MLLT3: variants seen among roughly 807,000 people sequenced by gnomAD.
MLLT3 encodes protein AF-9.
A neutral mutation model predicts 53.2 loss-of-function variants in MLLT3; 4 were observed. That is an observed-to-expected ratio of 0.08 (90% confidence interval 0.04 to 0.17). The LOEUF is 0.17. MLLT3 is among the 10% of genes least tolerant of loss of function. The pLI is 1.00. For missense variants in MLLT3, 569 were observed against 684.0 expected, an observed-to-expected ratio of 0.83 and a Z score of 1.87; for synonymous variants, 283 against 230.6, an observed-to-expected ratio of 1.23 and a Z score of -2.06.
rs187283495 is a variant in MLLT3 at position 20,519,611 on chromosome 9, G to T, written c.194-62825C>A. On this transcript the variant is annotated intron_variant, in intron 2 of 10. Coordinates refer to ENST00000380338, the MANE Select transcript of MLLT3 (RefSeq NM_004529.4). ...ATATGAAAAAAAGCTCAACATCACT[G>T]ATCATTAGAGAAATACTAATCAAAA... 2.1e-4 allele frequency among the ~76,000 whole-genome samples: 32 copies of T among 152,178 alleles called. No individual in the cohort carries two copies. In the East Asian group the frequency reaches 6.2e-3, roughly 29 times the overall value.
intron 5 of MLLT3, among the ~76,000 whole-genome samples, chr9:20,405,038 AAT>A (rs1822546616): frequency 6.6e-6 from 1 of 152,152 alleles, no homozygotes; most frequent in Non-Finnish European, 1.5e-5. Context: ...TAGATAATAC[AAT>A]ATAATATCAA....
chr9:20,469,524 G>C (rs1393545009), intron 2 of MLLT3, among the ~76,000 whole-genome samples: 2 of 152,024 alleles, frequency 1.3e-5, no homozygotes, highest in Non-Finnish European at 2.9e-5. Context: ...TGAAAGATAG[G>C]TTGATGAATA....
intron 10 of MLLT3, among the ~76,000 whole-genome samples, chr9:20,349,102 C>T (rs1039727611): frequency 4.6e-5 from 7 of 152,150 alleles, no homozygotes; most frequent in African/African-American, 1.7e-4. Flanking sequence ...CTTTCCTCAG[C>T]GAGCTGCCCA....
At chr9:20,441,115 G>A (rs181710717) in intron 4 of MLLT3, among the ~76,000 whole-genome samples, 3 of 152,248 alleles carry the variant, frequency 2.0e-5, no homozygotes, top group East Asian at 3.9e-4. Context: ...AGTTTATGCA[G>A]TAATGGCGTT....
At chr9:20,468,823 T>C (rs1824298661) in intron 2 of MLLT3, among the ~76,000 whole-genome samples, 1 of 152,242 alleles carries the variant, frequency 6.6e-6, no homozygotes, top group African/African-American at 2.4e-5. Context: ...TTTTTCATTA[T>C]CTTTGTTTAA....
chr9:20,600,145 CA>C (rs11446057), intron 2 of MLLT3, among the ~76,000 whole-genome samples: 1 of 145,636 alleles, frequency 6.9e-6, no homozygotes, highest in Admixed American at 6.8e-5. Flanking sequence ...AAACAAAAAA[CA>C]AAAAAAAAAC....
At chr9:20,458,765 G>C (rs950655184) in intron 2 of MLLT3, among the ~76,000 whole-genome samples, 1 of 152,208 alleles carries the variant, frequency 6.6e-6, no homozygotes, top group African/African-American at 2.4e-5. Context: ...AAGCCATCCA[G>C]TGGATGGTAC....
intron 2 of MLLT3, among the ~76,000 whole-genome samples, chr9:20,560,909 G>A (rs373940500): frequency 6.8e-4 from 104 of 152,152 alleles, no homozygotes; most frequent in South Asian, 4.2e-3. Context: ...TCATTTCTAC[G>A]TATTGGTAAC....
chr9:20,460,684 A>G (rs1438112938), intron 2 of MLLT3, among the ~76,000 whole-genome samples: 4 of 152,192 alleles, frequency 2.6e-5, no homozygotes, highest in African/African-American at 9.7e-5. Context: ...TATGTACCCA[A>G]CAAATGTTTG....
chr9:20,419,800 G>C (rs1822961781), intron 4 of MLLT3, among the ~76,000 whole-genome samples: 1 of 152,154 alleles, frequency 6.6e-6, no homozygotes, highest in African/African-American at 2.4e-5. Flanking sequence ...TGAGAAAAGA[G>C]TCTAGTCAAA....
At chr9:20,561,308 C>G (rs1479350125) in intron 2 of MLLT3, among the ~76,000 whole-genome samples, 1 of 152,074 alleles carries the variant, frequency 6.6e-6, no homozygotes, top group African/African-American at 2.4e-5. Flanking sequence ...ACATTTTTTT[C>G]TCATTTTAAA....
intron 5 of MLLT3, among the ~76,000 whole-genome samples, chr9:20,403,647 A>C (rs981604424): frequency 6.6e-6 from 1 of 152,224 alleles, no homozygotes; most frequent in Non-Finnish European, 1.5e-5. Flanking sequence ...CAGATAACTT[A>C]GCACTTTAAA....
intron 2 of MLLT3, among the ~76,000 whole-genome samples, chr9:20,457,411 G>A (rs947465379): frequency 6.6e-6 from 1 of 151,598 alleles, no homozygotes; most frequent in Non-Finnish European, 1.5e-5. Context: ...CACCACACCA[G>A]GCTAATTTTG....
intron 5 of MLLT3, among the ~76,000 whole-genome samples, chr9:20,374,795 C>T (rs935851906): frequency 6.6e-6 from 1 of 152,176 alleles, no homozygotes; most frequent in Non-Finnish European, 1.5e-5. Flanking sequence ...TGCACTACCA[C>T]TAGTAAGGTG....
At chr9:20,494,022 A>G (rs1264877564) in intron 2 of MLLT3, among the ~76,000 whole-genome samples, 1 of 152,124 alleles carries the variant, frequency 6.6e-6, no homozygotes, top group African/African-American at 2.4e-5. Context: ...AAATTCTCAG[A>G]TAGAAACTAA....
chr9:20,523,386 T>G (rs1488577657), intron 2 of MLLT3, among the ~76,000 whole-genome samples: 1 of 152,044 alleles, frequency 6.6e-6, no homozygotes, highest in African/African-American at 2.4e-5. Flanking sequence ...TCCAAAGGAG[T>G]TGAAAATTTA....
chr9:20,541,802 G>A (rs150919832), intron 2 of MLLT3, among the ~76,000 whole-genome samples: 27 of 152,246 alleles, frequency 1.8e-4, no homozygotes, highest in Non-Finnish European at 3.4e-4. Flanking sequence ...TGAGATTGCC[G>A]AAATTCAGTC....
chr9:20,353,638 G>A (rs1821092525), intron 9 of MLLT3, 42 bp from the exon 10 acceptor site: 1 of 1,513,328 alleles, frequency 6.6e-7, no homozygotes, highest in South Asian at 1.1e-5. Flanking sequence ...AGCACTTTAA[G>A]TAGTAGTTCA....
intron 4 of MLLT3, among the ~76,000 whole-genome samples, chr9:20,438,717 G>C (rs1258829362): frequency 1.3e-5 from 2 of 152,110 alleles, no homozygotes; most frequent in Non-Finnish European, 2.9e-5. Flanking sequence ...TTATAAGCAT[G>C]ACATTTATTT....
Sources: gnomAD v4.1 joint callset for allele counts (sites outside exome capture counted in the v4.1 genomes callset) on GRCh38, gnomAD v4.1.1 for gene constraint, MANE v1.5 for transcripts, NCBI Gene and HGNC (gene_info 2026-07-23, HGNC 2026-07-21) for gene names.